Variants in PLEKHA8 observed in about 807,000 individuals in gnomAD.
The protein encoded by PLEKHA8 is pleckstrin homology domain containing A8.
PLEKHA8 carries 36 observed loss-of-function variants against 68.2 expected under a neutral mutation model. That is an observed-to-expected ratio of 0.53 (90% CI 0.40 to 0.70). PLEKHA8 has a LOEUF of 0.70. PLEKHA8 is among the 30% of genes least tolerant of loss of function. The pLI is 0.00. For missense variants in PLEKHA8, 505 were observed against 615.4 expected, an observed-to-expected ratio of 0.82 and a Z score of 1.90; for synonymous variants, 211 against 216.1, an observed-to-expected ratio of 0.98 and a Z score of 0.20.
chr7:30,088,811 C>T (rs957540486), downstream of PLEKHA8, among the ~76,000 whole-genome samples: 1 of 150,270 alleles, frequency 6.7e-6, no homozygotes, highest in African/African-American at 2.5e-5. Context: ...TGGCAAGATG[C>T]AGAACACTCA....
intron 12 of PLEKHA8, among the ~76,000 whole-genome samples, chr7:30,068,639 C>A (rs190140984): frequency 1.3e-4 from 20 of 152,192 alleles, no homozygotes; most frequent in African/African-American, 4.1e-4. Context: ...AATGTCTAAT[C>A]TTTTTCAGTT....
chr7:30,095,232 T>C (rs1000839138), downstream of PLEKHA8, among the ~76,000 whole-genome samples: 133 of 152,366 alleles, frequency 8.7e-4, no homozygotes, highest in Admixed American at 1.6e-3. Context: ...TGGTGTGAGA[T>C]GGTATCTCAT....
At chr7:30,091,322 ATTTT>A (rs1403980107), downstream of PLEKHA8, among the ~76,000 whole-genome samples, 2 of 134,384 alleles carry the variant, frequency 1.5e-5, no homozygotes, top group African/African-American at 5.6e-5. Context: ...ATATCTTTTT[ATTTT>A]TTAATGGAGG....
chr7:30,085,741 A>G (rs1214500941), downstream of PLEKHA8, among the ~76,000 whole-genome samples: 3 of 152,186 alleles, frequency 2.0e-5, no homozygotes, highest in Non-Finnish European at 4.4e-5. Flanking sequence ...TTGAAAGAAG[A>G]GAGAAACAGG....
rs367639821 is a variant in PLEKHA8, at chr7:30,090,096, AT to A, written c.1301-52del. 7.2e-5 allele frequency: 108 copies of A among 1,508,664 alleles called. 1 individual carries two copies. The African/African-American group carries it at 1.3e-3, about 19-fold the overall frequency. The allele number at this position is 1,508,664 out of a possible 1,614,324, so 93.5% of individuals were successfully genotyped here. On this transcript the variant is annotated intron_variant, in intron 12 of 12. Transcript: ENST00000258679. ...AGTATCTGGAGATAAAATACAGAAG[AT>A]TTTTCCTGAAATGAAGGAAGGAATC... is the stretch of plus-strand genomic sequence containing the variant.
At chr7:30,051,521 T>G (rs574510135) in intron 6 of PLEKHA8, among the ~76,000 whole-genome samples, 20 of 152,316 alleles carry the variant, frequency 1.3e-4, no homozygotes, top group African/African-American at 3.6e-4. Flanking sequence ...AATCACCTAA[T>G]CATAATGATA....
Position 30,036,407 on chromosome 7 carries a change from AATAGATAGATAGATAGATAGATAGATAG to A in PLEKHA8, c.40+7636_40+7663del, listed in dbSNP as rs55904639. ...GTCTCAGGTAGATAGGATAGGATAGAATAGATAGATAGATAGATAGATAGATAGATAGATAGATAGATAGATAGATAGA... is the reference window on the plus strand; with the variant it reads ...GTCTCAGGTAGATAGGATAGGATAGAATAGATAGATAGATAGATAGATAGA... On this transcript the variant is annotated intron_variant, in intron 1 of 13. Transcript: ENST00000449726. 5.1e-4 allele frequency among the ~76,000 whole-genome samples: 73 copies of A among 143,424 alleles called. No homozygotes were observed. The East Asian group carries it at 9.4e-3, about 18-fold the overall frequency. 94.1% of individuals were successfully genotyped at this position (143,424 alleles called of 152,430 possible). A position where few individuals can be genotyped will look rare whatever the true frequency, so the allele number is the denominator to read the frequency against.
At position 30,060,817 on chromosome 7, in the gene PLEKHA8, T is replaced by TTTA. The variant is rs1375724898; in HGVS notation, c.1040-62_1040-60dup. ...GGGGATCTGCTAAATTTATTATTACTTTATTATAAAAAATATTGCCACTTA... is the reference window on the plus strand; with the variant it reads ...GGGGATCTGCTAAATTTATTATTACTTTATTATTATAAAAAATATTGCCACTTA... On this transcript the variant is annotated intron_variant, in intron 9 of 13. Transcript: ENST00000449726. The TTTA allele has an allele frequency of 2.4e-5, 31 of 1,285,986 alleles. No individual in the cohort carries two copies. The Middle Eastern group carries it at 8.2e-4, about 34-fold the overall frequency. 79.7% of individuals were successfully genotyped at this position (1,285,986 alleles called of 1,614,324 possible).
At chr7:30,038,689 T>C (rs1791293267) in intron 1 of PLEKHA8, among the ~76,000 whole-genome samples, 1 of 152,216 alleles carries the variant, frequency 6.6e-6, no homozygotes, top group Non-Finnish European at 1.5e-5. Context: ...TTTAAAACTT[T>C]TAAGTGTCTG....
chr7:30,108,083 A>AAAAAAAAC (rs1796136883), intron 13 of PLEKHA8, among the ~76,000 whole-genome samples: 3 of 144,460 alleles, frequency 2.1e-5, no homozygotes, highest in Non-Finnish European at 4.6e-5. Context: ...AAAAAAAAAA[A>AAAAAAAAC]AAAAAAAAAC....
chr7:30,068,041 G>T (rs1210971142), intron 12 of PLEKHA8, among the ~76,000 whole-genome samples: 1 of 152,226 alleles, frequency 6.6e-6, no homozygotes, highest in Admixed American at 6.5e-5. Flanking sequence ...AGGGACTCTG[G>T]CTGTCTACAG....
At chr7:30,109,280 CTA>C (rs939178786) in intron 13 of PLEKHA8, among the ~76,000 whole-genome samples, 33 of 152,222 alleles carry the variant, frequency 2.2e-4, no homozygotes, top group African/African-American at 7.9e-4. Context: ...TTTCATATGA[CTA>C]TGTGCATTTG....
intron 13 of PLEKHA8, 132 bp downstream of exon 13, chr7:30,074,264 G>GTA: frequency 1.5e-6 from 1 of 683,500 alleles, no homozygotes; most frequent in Non-Finnish European, 2.4e-6. Context: ...GTGTGTGTGT[G>GTA]TGTGTGTGTA....
chr7:30,043,800 A>G (rs559868815), intron 1 of PLEKHA8, among the ~76,000 whole-genome samples: 106 of 152,172 alleles, frequency 7.0e-4, no homozygotes, highest in African/African-American at 2.4e-3. Context: ...ATAAAGTGAT[A>G]CCATTGGTGT....
intron 13 of PLEKHA8, among the ~76,000 whole-genome samples, chr7:30,076,345 A>G (rs1794608253): frequency 6.6e-6 from 1 of 152,200 alleles, no homozygotes; most frequent in African/African-American, 2.4e-5. Context: ...TAAGTTTAGA[A>G]TAAAACAGGT....
At chr7:30,113,249 A>G (rs1796329117) in intron 13 of PLEKHA8, among the ~76,000 whole-genome samples, 1 of 152,196 alleles carries the variant, frequency 6.6e-6, no homozygotes. Context: ...TCCCATAGTA[A>G]CATTTTCTGG....
chr7:30,082,582 C>T lies in PLEKHA8; in HGVS notation c.*3795C>T, dbSNP rs1472826005. 11 of 985,200 alleles carry T rather than the reference C, an allele frequency of 1.1e-5. No individual in the cohort carries two copies. The South Asian group carries it at 4.2e-4, about 38-fold the overall frequency. The allele number at this position is 985,200 out of a possible 1,614,324, so 61.0% of individuals were successfully genotyped here. ...AGCGGAAAAAAATTTGCACTCTTCTCCTTTTGGTTATTACTTTCCAAATAT... is the reference window on the plus strand; with the variant it reads ...AGCGGAAAAAAATTTGCACTCTTCTTCTTTTGGTTATTACTTTCCAAATAT... On this transcript the variant is annotated 3_prime_UTR_variant, in exon 14 of 14. Coordinates refer to ENST00000449726, the MANE Select transcript of PLEKHA8 (RefSeq NM_001197026.2).
In PLEKHA8 at chr7:30,082,698, A is replaced by G. The variant is rs1795001195; in HGVS notation, c.*3911A>G. ...GATAGGGACCAAATAAGTAAAGTAC[A>G]TTTTTCTCCACTAAATTTGAAGTGA... On this transcript the variant is annotated 3_prime_UTR_variant, in exon 14 of 14. Coordinates refer to ENST00000449726, the MANE Select transcript of PLEKHA8 (RefSeq NM_001197026.2). The G allele has an allele frequency of 1.0e-6, 1 of 985,054 alleles. No homozygotes were observed. The highest frequency in any genetic ancestry group is 1.7e-5 in the African/African-American group (1 of 57,222). The allele number at this position is 985,054 out of a possible 1,614,324, so 61.0% of individuals were successfully genotyped here.
chr7:30,044,786 CAT>C (rs1158861792), intron 1 of PLEKHA8, among the ~76,000 whole-genome samples: 2 of 152,216 alleles, frequency 1.3e-5, no homozygotes, highest in Non-Finnish European at 2.9e-5. Flanking sequence ...ATACACATCT[CAT>C]TTATTTCTGT....
Sources: allele counts gnomAD v4.1 joint callset (sites outside exome capture counted in the v4.1 genomes callset), GRCh38; gene constraint gnomAD v4.1.1; transcripts MANE v1.5; gene names NCBI Gene and HGNC (gene_info 2026-07-23, HGNC 2026-07-21).